SVEP1: variants seen among roughly 807,000 people sequenced by gnomAD.
The protein encoded by SVEP1 is sushi, von Willebrand factor type A, EGF and pentraxin domain containing 1.
Under a neutral mutation model 367.3 loss-of-function variants are expected in SVEP1, and 164 were observed. That is an observed-to-expected ratio of 0.45 (90% CI 0.39 to 0.51). The LOEUF (loss-of-function observed/expected upper bound fraction) is 0.51, where lower values mean the gene tolerates loss of function less well. Ranked by LOEUF, SVEP1 falls within the 20% of genes least tolerant of loss-of-function variation. The pLI, the probability that SVEP1 is intolerant of heterozygous loss-of-function variation, is 0.00. For synonymous variants in SVEP1, 1,666 were observed against 1,611.6 expected (o/e 1.03, Z -0.81); for missense variants, 4,117 against 4,425.3 (o/e 0.93, Z 1.98).
At chr9:110,559,512 A>G (rs78348107) in intron 1 of SVEP1, among the ~76,000 whole-genome samples, 4 of 152,252 alleles carry the variant, frequency 2.6e-5, no homozygotes, top group Non-Finnish European at 4.4e-5. Context: ...GTTTAAAAAT[A>G]GTAACACTGT....
At position 110,427,613 on chromosome 9, in the gene SVEP1, C is replaced by G. The variant is rs373901354; in HGVS notation, c.5953G>C (p.Val1985Leu). The part of the protein sequence containing the change: ...TGNNFTFRNT[V>L]TYTCKEGYTL... ...CACCCTTCTTTGCAAGTGTAAGTGA[C>G]GGTGTTCCTGAAAGTGAAGTTATTC... Residue 1985 changes from valine to leucine, a missense_variant, in exon 36 of 48, where the codon GTC becomes CTC. Val to Leu is a conservative substitution (Grantham distance 32). Coordinates refer to ENST00000374469, the MANE Select transcript of SVEP1 (RefSeq NM_153366.4). 1.2e-6 allele frequency: 2 copies of G among 1,613,590 alleles called. No individual in the cohort carries two copies. Among genetic ancestry groups the G allele is most frequent in the Non-Finnish European group, 1.7e-6 (2 of 1,179,682 alleles).
chr9:110,404,693 C>A, intron 38 of SVEP1, 141 bp from the exon 39 acceptor site: 1 of 791,524 alleles, frequency 1.3e-6, no homozygotes, highest in Non-Finnish European at 2.1e-6. Context: ...ATATGTCAGG[C>A]GGATGGCATT....
intron 17 of SVEP1, among the ~76,000 whole-genome samples, chr9:110,468,462 C>T (rs1156686857): frequency 2.6e-5 from 4 of 152,198 alleles, no homozygotes; most frequent in Admixed American, 2.6e-4. Flanking sequence ...GAAAGTGTCT[C>T]TGAACTTCTG....
chr9:110,566,322 C>T lies in SVEP1; in HGVS notation c.531+12691G>A, dbSNP rs912972421. ...GGGCAACAGAGCAAGATCCTGTCTC[C>T]ATAATAAATAAATAAATAAATAAAT... On this transcript the variant is annotated intron_variant, in intron 1 of 47. Coordinates refer to ENST00000374469, the MANE Select transcript of SVEP1 (RefSeq NM_153366.4). Among the ~76,000 whole-genome samples, 3 of 133,904 alleles carry T rather than the reference C, an allele frequency of 2.2e-5. No individual in the cohort carries two copies. The East Asian group carries it at 6.5e-4, about 29-fold the overall frequency. 87.8% of individuals were successfully genotyped at this position (133,904 alleles called of 152,430 possible).
intron 28 of SVEP1, 42 bp downstream of exon 28, chr9:110,436,338 C>G: frequency 3.1e-6 from 5 of 1,610,510 alleles, no homozygotes; most frequent in Middle Eastern, 1.7e-4. Context: ...AGGTTTGTAC[C>G]TTTGCATCTC....
rs1369419225 is a variant in SVEP1 at position 110,379,463 on chromosome 9, T to C, written c.10292A>G (p.His3431Arg). Residue 3431 changes from histidine (H) to arginine (R), a missense_variant, in exon 44 of 48, where the codon CAT becomes CGT. Transcript: ENST00000374469. ...HVENAIARGV[H>R]YQYGDMITYS... The stretch of plus-strand genomic sequence containing the variant: ...GGTGATCATGTCTCCATATTGATAA[T>C]GTACGCCTCGAGCAATTGCATTTTC... 1.2e-6 allele frequency: 2 copies of C among 1,613,734 alleles called. No individual in the cohort carries two copies. The highest frequency in any genetic ancestry group is 1.3e-5 in the African/African-American group (1 of 74,932).
chr9:110,373,229 A>C (rs1345329037), intron 46 of SVEP1, among the ~76,000 whole-genome samples: 2 of 152,216 alleles, frequency 1.3e-5, no homozygotes, highest in Non-Finnish European at 2.9e-5. Context: ...GTTATAAACA[A>C]ACACTATATA....
At chr9:110,565,093 G>A (rs62571273) in intron 1 of SVEP1, among the ~76,000 whole-genome samples, 49,495 of 151,816 alleles carry the variant, frequency 0.33, 8,397 homozygotes, top group African/African-American at 0.42. Flanking sequence ...GTTTTGTTTT[G>A]TTTTGTTTTT....
rs144996297 is a variant in SVEP1 at position 110,385,988 on chromosome 9, T to C, written c.10147A>G (p.Lys3383Glu). 6,144 of 1,613,894 alleles carry C rather than the reference T, an allele frequency of 3.8e-3. 16 individuals carry two copies. The highest frequency in any genetic ancestry group is 4.4e-3 in the Non-Finnish European group (5,186 of 1,179,840). The change falls in exon 43 of 48, where the codon AAA becomes GAA. Residue 3383 changes from lysine to glutamate, a missense_variant. Physicochemically the swap from Lys to Glu is moderately conservative, Grantham distance 56. Transcript: ENST00000374469. ...EFYVDQNVSIKCREGFLLQGH... is the reference protein window; with the variant it reads ...EFYVDQNVSIECREGFLLQGH... ...TGCAGCAGAAAACCTTCCCTACATT[T>C]GATGGACACATTCTGATCAACATAA...
rs772090034 is a variant in SVEP1 at position 110,441,827 on chromosome 9, G to A, written c.4639+1718C>T. ...TACACCCTATTACTTCTTTCTGCTC[G>A]TGACAGAACCACCTAAGCTACCCTT... On this transcript the variant is annotated intron_variant, in intron 27 of 47. Transcript: ENST00000374469. 2.2e-4 allele frequency among the ~76,000 whole-genome samples: 33 copies of A among 152,052 alleles called. 1 individual carries two copies. Among genetic ancestry groups the A allele is most frequent in the Admixed American group, 1.7e-3 (26 of 15,256 alleles).
In SVEP1 at chr9:110,512,971, A is replaced by G. The variant is rs778345934; in HGVS notation, c.1258T>C (p.Cys420Arg). The G allele has an allele frequency of 1.2e-6, 2 of 1,614,032 alleles. No individual in the cohort carries two copies. Among genetic ancestry groups the G allele is most frequent in the Non-Finnish European group, 1.7e-6 (2 of 1,179,894 alleles). Residue 420 changes from cysteine to arginine, a missense_variant, in exon 5 of 48, where the codon TGT (cysteine) becomes CGT (arginine). Transcript: ENST00000374469. ...CCGGACCACAAACCATTGGGTAGAC[A>G]TAAGATGATGCTGCTTCCCACAAGA... The part of the protein sequence containing the change: ...FDLVGSSIIL[C>R]LPNGLWSGSE...
rs1314853530 is a variant in SVEP1 at position 110,482,453 on chromosome 9, T to C, written c.2078A>G (p.Asp693Gly). ...LVITRSHTQG[D>G]LFPQGETIVQ... The stretch of plus-strand genomic sequence containing the variant: ...TATAGTCTCCCCTTGAGGGAAAAGG[T>C]CTCCTTGTGTATGACTTCTGGTAAT... Residue 693 changes from aspartate to glycine, a missense_variant, in exon 11 of 48, where the codon GAC becomes GGC. Physicochemically the swap from Asp to Gly is moderately conservative, Grantham distance 94 (BLOSUM62 -1). Transcript: ENST00000374469. 4 of 1,591,036 alleles carry C rather than the reference T, an allele frequency of 2.5e-6. No homozygotes were observed. Among genetic ancestry groups the C allele is most frequent in the Admixed American group, 1.8e-5 (1 of 55,866 alleles).
At chr9:110,529,992 T>C (rs1440799238) in intron 3 of SVEP1, among the ~76,000 whole-genome samples, 1 of 139,424 alleles carries the variant, frequency 7.2e-6, no homozygotes, top group Non-Finnish European at 1.5e-5. Flanking sequence ...GGCTGTAGGT[T>C]TATCACATAT....
chr9:110,494,061 A>C (rs1395490011), intron 8 of SVEP1, among the ~76,000 whole-genome samples: 1 of 152,220 alleles, frequency 6.6e-6, no homozygotes, highest in Non-Finnish European at 1.5e-5. Context: ...TTAAGGACTC[A>C]TGTGATTAAG....
chr9:110,448,667 C>T (rs1828643825), intron 24 of SVEP1, among the ~76,000 whole-genome samples: 1 of 152,184 alleles, frequency 6.6e-6, no homozygotes, highest in South Asian at 2.1e-4. Context: ...GTACCTTCAC[C>T]TTTCTTCTAG....
rs989678773 is a variant in SVEP1, at chr9:110,411,402, T to C, written c.6309A>G (p.Ala2103=). ...ILESVSKAKF[A]AGSVVSFKCM... ...ATTTAAAGCTCACAACTGAGCCAGCTGCAAATTTTGCTTTGCTCACAGATT... is the reference window on the plus strand; with the variant it reads ...ATTTAAAGCTCACAACTGAGCCAGCCGCAAATTTTGCTTTGCTCACAGATT... The change falls in exon 37 of 48, where the codon GCA becomes GCG. Residue 2103 remains alanine (A), a synonymous_variant. Coordinates refer to ENST00000374469, the MANE Select transcript of SVEP1 (RefSeq NM_153366.4). 2 of 1,614,036 alleles carry C rather than the reference T, an allele frequency of 1.2e-6. No homozygotes were observed. Among genetic ancestry groups the C allele is most frequent in the Non-Finnish European group, 1.7e-6 (2 of 1,179,902 alleles).
chr9:110,370,967 C>T (rs898436945), intron 46 of SVEP1, among the ~76,000 whole-genome samples: 3 of 152,160 alleles, frequency 2.0e-5, no homozygotes, highest in African/African-American at 7.2e-5. Flanking sequence ...AGTAAATGTC[C>T]TTTCTTCAGT....
At chr9:110,471,292 G>A (rs1829013421) in intron 16 of SVEP1, 72 bp downstream of exon 16, 16 of 1,227,502 alleles carry the variant, frequency 1.3e-5, no homozygotes, top group Non-Finnish European at 1.8e-5. Flanking sequence ...CTTTATAGTT[G>A]TAAAATGGCT....
intron 2 of SVEP1, among the ~76,000 whole-genome samples, chr9:110,547,774 C>T (rs1329306680): frequency 6.6e-6 from 1 of 152,130 alleles, no homozygotes; most frequent in Non-Finnish European, 1.5e-5. Context: ...AAAGTAGCTG[C>T]AGAGAACACA....
Sources: gnomAD v4.1 joint callset for allele counts (sites outside exome capture counted in the v4.1 genomes callset) on GRCh38, gnomAD v4.1.1 for gene constraint, MANE v1.5 for transcripts, NCBI Gene and HGNC (gene_info 2026-07-23, HGNC 2026-07-21) for gene names.